The following TENM3 variants were observed in gnomAD, a reference collection of about 807,000 sequenced individuals.
TENM3 encodes teneurin transmembrane protein 3, also known as teneurin-3.
A neutral mutation model predicts 255.1 loss-of-function variants in TENM3; 63 were observed. The observed-to-expected ratio is 0.25, with a 90% CI of 0.20 to 0.30. TENM3 has a LOEUF of 0.30. Among genes scored for constraint, TENM3 ranks in the 10% least tolerant of loss-of-function variants. TENM3 has a pLI of 1.00. For missense variants in TENM3, 2,929 were observed against 3,461.1 expected (o/e 0.85, Z 3.86); for synonymous variants, 1,306 against 1,322.3 (o/e 0.99, Z 0.27).
chr4:182,392,006 G>A (rs1768461302), intron 3 of TENM3, among the ~76,000 whole-genome samples: 1 of 152,176 alleles, frequency 6.6e-6, no homozygotes, highest in South Asian at 2.1e-4. Flanking sequence ...CCAGAGAATG[G>A]AATCTGACTA....
At chr4:182,298,140 C>T (rs184492464) in intron 1 of TENM3, among the ~76,000 whole-genome samples, 260 of 152,298 alleles carry the variant, frequency 1.7e-3, no homozygotes, top group African/African-American at 5.4e-3. Flanking sequence ...TAGCACCTGT[C>T]GCCACTTATA....
the TENM3 span, among the ~76,000 whole-genome samples, chr4:181,850,874 G>A: frequency 9.3e-4 from 142 of 152,050 alleles, no homozygotes; most frequent in Middle Eastern, 0.024. Flanking sequence ...TCTTATTTCC[G>A]GTTTTCTCCT....
chr4:181,978,054 T>C, the TENM3 span, among the ~76,000 whole-genome samples: 3 of 152,096 alleles, frequency 2.0e-5, no homozygotes, highest in Non-Finnish European at 4.4e-5. Context: ...TTTTAACAGA[T>C]CTGCAAGCCA....
intron 6 of TENM3, among the ~76,000 whole-genome samples, chr4:182,667,095 G>A (rs1581258499): frequency 6.6e-6 from 1 of 152,104 alleles, no homozygotes; most frequent in African/African-American, 2.4e-5. Context: ...TATTTCATTA[G>A]CTCATTTAAT....
chr4:182,135,471 T>A, the TENM3 span, among the ~76,000 whole-genome samples: 10 of 152,308 alleles, frequency 6.6e-5, no homozygotes, highest in East Asian at 1.7e-3. Context: ...GATTTATGGA[T>A]GAACCAGGTT....
At chr4:182,471,247 A>G (rs574486853) in intron 3 of TENM3, among the ~76,000 whole-genome samples, 1 of 152,368 alleles carries the variant, frequency 6.6e-6, no homozygotes, top group African/African-American at 2.4e-5. Flanking sequence ...TGTTAGGAGC[A>G]TAAGTATGCC....
At chr4:181,529,864 G>A in the TENM3 span, among the ~76,000 whole-genome samples, 1 of 152,190 alleles carries the variant, frequency 6.6e-6, no homozygotes, top group Non-Finnish European at 1.5e-5. Flanking sequence ...TCTTTGATGA[G>A]GTTGTCCATA....
chr4:181,529,095 G>C, the TENM3 span, among the ~76,000 whole-genome samples: 1,214 of 152,328 alleles, frequency 8.0e-3, 17 homozygotes, highest in African/African-American at 0.028. Context: ...AAAAAACTGA[G>C]GCTCAAAAGG....
chr4:181,964,745 A>G, the TENM3 span, among the ~76,000 whole-genome samples: 3 of 152,218 alleles, frequency 2.0e-5, no homozygotes, highest in African/African-American at 7.2e-5. Context: ...GTTATAAAAC[A>G]CGTATTTGCC....
At chr4:181,582,234 GTCTC>G in the TENM3 span, among the ~76,000 whole-genome samples, 1 of 152,136 alleles carries the variant, frequency 6.6e-6, no homozygotes, top group Admixed American at 6.5e-5. Flanking sequence ...GCACGGGCCT[GTCTC>G]TCACATTCAC....
intron 3 of TENM3, among the ~76,000 whole-genome samples, chr4:182,572,538 G>A (rs950028116): frequency 9.2e-5 from 14 of 152,210 alleles, no homozygotes; most frequent in African/African-American, 2.6e-4. Flanking sequence ...ATTCCACAGC[G>A]GAGTTGATCT....
chr4:182,011,898 T>C, the TENM3 span, among the ~76,000 whole-genome samples: 2 of 152,170 alleles, frequency 1.3e-5, no homozygotes, highest in Admixed American at 1.3e-4. Flanking sequence ...AGCCCCTTGT[T>C]TGCGGACACC....
chr4:182,675,096 G>C (rs1175683678), intron 7 of TENM3, among the ~76,000 whole-genome samples: 3 of 150,480 alleles, frequency 2.0e-5, no homozygotes, highest in Non-Finnish European at 4.4e-5. Context: ...GGCTGGTCCC[G>C]AACTCCCAAC....
intron 1 of TENM3, among the ~76,000 whole-genome samples, chr4:182,310,912 G>A (rs892275225): frequency 6.6e-6 from 1 of 152,164 alleles, no homozygotes; most frequent in African/African-American, 2.4e-5. Context: ...GTTTCACCAT[G>A]TTGGCCAGGC....
At chr4:182,337,064 TTTATC>T (rs1764190149) in intron 2 of TENM3, among the ~76,000 whole-genome samples, 1 of 152,188 alleles carries the variant, frequency 6.6e-6, no homozygotes, top group Non-Finnish European at 1.5e-5. Context: ...ACACTACTCT[TTTATC>T]TTTCTAGTTT....
At chr4:181,458,009 C>G in the TENM3 span, among the ~76,000 whole-genome samples, 1 of 151,812 alleles carries the variant, frequency 6.6e-6, no homozygotes, top group Non-Finnish European at 1.5e-5. Flanking sequence ...GTTTTACATA[C>G]TTGTCTGTTA....
chr4:182,473,421 C>T lies in TENM3; in HGVS notation c.511+126492C>T, dbSNP rs987513813. On this transcript the variant is annotated intron_variant, in intron 3 of 27. Coordinates refer to ENST00000511685, the MANE Select transcript of TENM3 (RefSeq NM_001080477.4). ...GGGTGCCGTGGCTCATGCCTGTAAT[C>T]CCAGCACTTTGGGAGGCCAAGGCGG... is the stretch of plus-strand genomic sequence containing the variant. Among the ~76,000 whole-genome samples, 6 of 152,298 alleles carry T rather than the reference C, an allele frequency of 3.9e-5. No individual in the cohort carries two copies. The South Asian group carries it at 1.0e-3, about 26-fold the overall frequency.
At chr4:182,217,599 TGG>T (rs1041158808) in intron 1 of TENM3, among the ~76,000 whole-genome samples, 1 of 152,124 alleles carries the variant, frequency 6.6e-6, no homozygotes, top group African/African-American at 2.4e-5. Flanking sequence ...TTCTGTGAGA[TGG>T]GTAACATTAT....
the TENM3 span, among the ~76,000 whole-genome samples, chr4:182,057,052 G>A: frequency 6.6e-5 from 10 of 151,408 alleles, no homozygotes; most frequent in Admixed American, 6.6e-4. Flanking sequence ...CCCAGTGATA[G>A]CCATCGTTGT....
Sources: gnomAD v4.1 joint callset for allele counts (sites outside exome capture counted in the v4.1 genomes callset) on GRCh38, gnomAD v4.1.1 for gene constraint, MANE v1.5 for transcripts, NCBI Gene and HGNC (gene_info 2026-07-23, HGNC 2026-07-21) for gene names.